Variants in NRXN3 observed in about 807,000 individuals in gnomAD.
The protein encoded by NRXN3 is neurexin 3, also known as neurexin III.
Under a neutral mutation model 137.6 loss-of-function variants are expected in NRXN3, and 32 were observed. The ratio of observed to expected loss-of-function variants is 0.23; its 90% CI spans 0.18 to 0.31. NRXN3 has a LOEUF of 0.31. NRXN3 is among the 10% of genes least tolerant of loss of function. The pLI is 1.00. For missense variants in NRXN3, 1,574 were observed against 2,062.5 expected (o/e 0.76, Z 4.59); for synonymous variants, 798 against 784.5 (o/e 1.02, Z -0.29).
At chr14:79,367,135 C>G (rs1023990236) in intron 15 of NRXN3, among the ~76,000 whole-genome samples, 1 of 152,042 alleles carries the variant, frequency 6.6e-6, no homozygotes, top group African/African-American at 2.4e-5. Context: ...AGGCGTCCAC[C>G]ACCACGCCTA....
At chr14:79,203,039 T>A (rs1314095057) in intron 15 of NRXN3, among the ~76,000 whole-genome samples, 4 of 152,174 alleles carry the variant, frequency 2.6e-5, no homozygotes, top group Non-Finnish European at 5.9e-5. Context: ...TTTGATTTTT[T>A]GATTATGGCC....
chr14:79,378,233 T>G (rs1599415282), intron 15 of NRXN3, among the ~76,000 whole-genome samples: 1 of 152,268 alleles, frequency 6.6e-6, no homozygotes, highest in East Asian at 1.9e-4. Flanking sequence ...GCCGGGCAAG[T>G]GTTCTCCTGA....
intron 15 of NRXN3, among the ~76,000 whole-genome samples, chr14:79,132,527 T>A (rs7143330): frequency 0.52 from 79,638 of 152,044 alleles, 22,504 homozygotes; most frequent in East Asian, 0.77. Context: ...TATACCTATT[T>A]CTCCTTTTTT....
intron 4 of NRXN3, among the ~76,000 whole-genome samples, chr14:78,316,598 A>G (rs7158430): frequency 0.69 from 104,707 of 152,034 alleles, 36,406 homozygotes; most frequent in Middle Eastern, 0.81. Flanking sequence ...CCAGGCCAAG[A>G]GAATTTTGGT....
chr14:78,899,061 G>A (rs2099187249), intron 10 of NRXN3, among the ~76,000 whole-genome samples: 1 of 151,926 alleles, frequency 6.6e-6, no homozygotes, highest in Admixed American at 6.6e-5. Flanking sequence ...CTGAGCCAGA[G>A]AAAAGCAGTG....
intron 16 of NRXN3, among the ~76,000 whole-genome samples, chr14:79,632,680 T>C (rs2098366897): frequency 6.6e-6 from 1 of 152,170 alleles, no homozygotes; most frequent in African/African-American, 2.4e-5. Context: ...ATAATAAACA[T>C]ATTAAGTCCA....
intron 1 of NRXN3, among the ~76,000 whole-genome samples, chr14:78,172,059 C>T (rs1023503413): frequency 6.6e-6 from 1 of 152,114 alleles, no homozygotes; most frequent in African/African-American, 2.4e-5. Flanking sequence ...CACTACAAGC[C>T]ACCCCAACAT....
At chr14:79,511,975 C>T (rs928137204) in intron 16 of NRXN3, among the ~76,000 whole-genome samples, 1 of 152,220 alleles carries the variant, frequency 6.6e-6, no homozygotes, top group African/African-American at 2.4e-5. Flanking sequence ...TCTCAGCTCA[C>T]TGCAACCTCT....
At chr14:78,171,738 T>TA (rs35449641) in intron 1 of NRXN3, among the ~76,000 whole-genome samples, 21,547 of 150,666 alleles carry the variant, frequency 0.14, 1,550 homozygotes, top group East Asian at 0.19. Context: ...GATTACTTGT[T>TA]AAAAAAAAAT....
At chr14:79,026,188 G>T (rs371778496) in intron 15 of NRXN3, among the ~76,000 whole-genome samples, 2 of 152,146 alleles carry the variant, frequency 1.3e-5, no homozygotes, top group African/African-American at 4.8e-5. Flanking sequence ...TTAATGAATA[G>T]ATTTTTATAT....
intron 6 of NRXN3, among the ~76,000 whole-genome samples, chr14:78,705,792 C>G (rs2098340807): frequency 6.6e-6 from 1 of 152,148 alleles, no homozygotes; most frequent in Admixed American, 6.5e-5. Flanking sequence ...TTATTCACAA[C>G]AGTGAAAACT....
chr14:79,233,696 G>GTGTA (rs915381196), intron 15 of NRXN3, among the ~76,000 whole-genome samples: 2 of 151,724 alleles, frequency 1.3e-5, no homozygotes, highest in African/African-American at 4.8e-5. Context: ...GTGTGTGTGT[G>GTGTA]TCTGTTGATC....
rs532992193 is a variant in NRXN3 at position 78,917,962 on chromosome 14, TA to T, written c.2276-39272del. ...TTCTAGATATGTGATTTTGCAAAAA[TA>T]AAAAAAATAAAAAAATAAAAAAATG... On this transcript the variant is annotated intron_variant, in intron 10 of 20. Coordinates refer to ENST00000335750, the MANE Select transcript of NRXN3 (RefSeq NM_001330195.2). Among the ~76,000 whole-genome samples the T allele has an allele frequency of 8.5e-5, 4 of 47,112 alleles. No individual in the cohort carries two copies. In the East Asian group the frequency reaches 1.5e-3, roughly 17 times the overall value. The allele number at this position is 47,112 out of a possible 152,430, so 30.9% of individuals were successfully genotyped here.
intron 19 of NRXN3, among the ~76,000 whole-genome samples, chr14:79,739,949 C>T (rs1407944634): frequency 6.6e-6 from 1 of 152,164 alleles, no homozygotes; most frequent in African/African-American, 2.4e-5. Context: ...CCTTTTTTAA[C>T]CTGTCTTCCA....
intron 4 of NRXN3, among the ~76,000 whole-genome samples, chr14:78,496,605 G>C (rs1366301283): frequency 6.6e-6 from 1 of 152,070 alleles, no homozygotes; most frequent in African/African-American, 2.4e-5. Context: ...TTACATTTTA[G>C]TAAAAGGAGA....
At chr14:78,172,088 G>A (rs1293374231) in intron 1 of NRXN3, among the ~76,000 whole-genome samples, 7 of 152,138 alleles carry the variant, frequency 4.6e-5, no homozygotes, top group East Asian at 3.9e-4. Context: ...CTTCCTCTCC[G>A]CTGGGTCCTG....
At chr14:79,641,863 A>T (rs1328650109) in intron 16 of NRXN3, among the ~76,000 whole-genome samples, 1 of 135,328 alleles carries the variant, frequency 7.4e-6, no homozygotes, top group East Asian at 2.0e-4. Flanking sequence ...TGGAGAAAAA[A>T]GTCTATCATT....
In NRXN3 at chr14:79,077,154, T is replaced by C. The variant is rs374098433; in HGVS notation, c.3262+89013T>C. Among the ~76,000 whole-genome samples, 65 of 152,356 alleles carry C rather than the reference T, an allele frequency of 4.3e-4. 2 individuals are homozygous for C. In the South Asian group the frequency reaches 9.3e-3, roughly 22 times the overall value. ...AATTACCTTGGTGGAATTACCTTCT[T>C]AAGAACAATTAGAAGTTTATTCTTT... On this transcript the variant is annotated intron_variant, in intron 15 of 20. Transcript: ENST00000335750.
At chr14:78,850,978 G>A (rs1431198830) in intron 10 of NRXN3, among the ~76,000 whole-genome samples, 1 of 152,150 alleles carries the variant, frequency 6.6e-6, no homozygotes, top group Non-Finnish European at 1.5e-5. Flanking sequence ...CAATTTGACA[G>A]TATTTTAAGA....
Sources: allele counts gnomAD v4.1 joint callset (sites outside exome capture counted in the v4.1 genomes callset), GRCh38; gene constraint gnomAD v4.1.1; transcripts MANE v1.5; gene names NCBI Gene and HGNC (gene_info 2026-07-23, HGNC 2026-07-21).